The following FOXN3 variants were observed in gnomAD, a reference collection of about 807,000 sequenced individuals.
FOXN3 encodes the protein forkhead box protein N3.
A neutral mutation model predicts 38.4 loss-of-function variants in FOXN3; 7 were observed. The ratio of observed to expected loss-of-function variants is 0.18; its 90% CI spans 0.10 to 0.34. The LOEUF (loss-of-function observed/expected upper bound fraction) is 0.34, where lower values mean the gene tolerates loss of function less well. Among genes scored for constraint, FOXN3 ranks in the 10% least tolerant of loss-of-function variants. FOXN3 has a pLI of 1.00. For synonymous variants in FOXN3, 230 were observed against 242.2 expected (o/e 0.95, Z 0.47); for missense variants, 456 against 613.4 (o/e 0.74, Z 2.71).
chr14:89,382,543 C>T (rs770478061), intron 2 of FOXN3, among the ~76,000 whole-genome samples: 6 of 152,228 alleles, frequency 3.9e-5, no homozygotes, highest in Non-Finnish European at 8.8e-5. Flanking sequence ...TGCATTGGCT[C>T]AAGCCACTGT....
intron 1 of FOXN3, among the ~76,000 whole-genome samples, chr14:89,431,642 T>C (rs1378043222): frequency 6.6e-6 from 1 of 152,216 alleles, no homozygotes; most frequent in Non-Finnish European, 1.5e-5. Flanking sequence ...TTAGAGCAGT[T>C]TAAGGTTCAC....
intron 1 of FOXN3, among the ~76,000 whole-genome samples, chr14:89,436,419 A>ACGGAAC (rs2140117581): frequency 6.6e-6 from 1 of 152,234 alleles, no homozygotes; most frequent in Non-Finnish European, 1.5e-5. Context: ...AAACAAAGTG[A>ACGGAAC]CGTAGGGTCA....
intron 1 of FOXN3, among the ~76,000 whole-genome samples, chr14:89,579,786 C>A (rs896742120): frequency 3.3e-5 from 5 of 152,162 alleles, no homozygotes; most frequent in Non-Finnish European, 5.9e-5. Context: ...TTTTACCCTG[C>A]ATGATTATCT....
chr14:89,607,389 T>A (rs140878882), intron 1 of FOXN3, among the ~76,000 whole-genome samples: 1 of 152,000 alleles, frequency 6.6e-6, no homozygotes, highest in Non-Finnish European at 1.5e-5. Context: ...TGAAACCCTG[T>A]CTCTACTAAA....
chr14:89,242,522 T>A (rs1469257689), intron 4 of FOXN3, among the ~76,000 whole-genome samples: 2 of 152,176 alleles, frequency 1.3e-5, no homozygotes, highest in Non-Finnish European at 2.9e-5. Context: ...ATTGCATTAC[T>A]CAAACAGAAA....
upstream of FOXN3, chr14:89,419,015 C>T (rs143863059): frequency 4.7e-5 from 18 of 382,630 alleles, no homozygotes; most frequent in Non-Finnish European, 9.0e-5. Flanking sequence ...TTATTTTCAC[C>T]GGCCCCAGTC....
chr14:89,315,237 TG>T (rs1204325354), intron 3 of FOXN3, among the ~76,000 whole-genome samples: 1 of 152,148 alleles, frequency 6.6e-6, no homozygotes. Flanking sequence ...AACACCTTTC[TG>T]ATCTTAAAAT....
At chr14:89,269,161 C>G (rs1886070742) in intron 4 of FOXN3, among the ~76,000 whole-genome samples, 1 of 152,196 alleles carries the variant, frequency 6.6e-6, no homozygotes, top group Non-Finnish European at 1.5e-5. Context: ...GGTTCTAACT[C>G]CAAACTGCAA....
At chr14:89,480,541 T>C (rs1382703903) in intron 1 of FOXN3, among the ~76,000 whole-genome samples, 1 of 152,082 alleles carries the variant, frequency 6.6e-6, no homozygotes, top group East Asian at 1.9e-4. Context: ...ATTTCTTTTT[T>C]CCTTTCCGGA....
chr14:89,498,102 T>C (rs1376066790), intron 1 of FOXN3, among the ~76,000 whole-genome samples: 1 of 151,912 alleles, frequency 6.6e-6, no homozygotes, highest in Non-Finnish European at 1.5e-5. Flanking sequence ...TTGAGTTAGG[T>C]TGTTCTTTTA....
intron 4 of FOXN3, among the ~76,000 whole-genome samples, chr14:89,219,696 C>T (rs888389920): frequency 6.6e-6 from 1 of 152,202 alleles, no homozygotes; most frequent in African/African-American, 2.4e-5. Context: ...GTGATAATAG[C>T]ACCCCCTTCC....
At chr14:89,176,780 C>T (rs1199623435) in intron 5 of FOXN3, among the ~76,000 whole-genome samples, 3 of 152,188 alleles carry the variant, frequency 2.0e-5, no homozygotes, top group African/African-American at 4.8e-5. Context: ...GCCTCCATAG[C>T]TATGTTTGTG....
At chr14:89,236,758 T>G (rs886119856) in intron 4 of FOXN3, among the ~76,000 whole-genome samples, 1 of 152,238 alleles carries the variant, frequency 6.6e-6, no homozygotes, top group Non-Finnish European at 1.5e-5. Context: ...GTGGGGACAC[T>G]TAAAGCCTCT....
At chr14:89,514,235 C>G (rs1894157930) in intron 1 of FOXN3, among the ~76,000 whole-genome samples, 1 of 152,188 alleles carries the variant, frequency 6.6e-6, no homozygotes, top group Admixed American at 6.5e-5. Flanking sequence ...TCCTGCTGCA[C>G]AGGGCCAGAA....
At chr14:89,241,748 C>T (rs1257078581) in intron 4 of FOXN3, among the ~76,000 whole-genome samples, 6 of 152,160 alleles carry the variant, frequency 3.9e-5, no homozygotes, top group Non-Finnish European at 4.4e-5. Context: ...GGATACAGCA[C>T]GTGGAACCCT....
chr14:89,366,310 T>G (rs1008459331), intron 2 of FOXN3, among the ~76,000 whole-genome samples: 2 of 152,146 alleles, frequency 1.3e-5, no homozygotes, highest in Admixed American at 1.3e-4. Context: ...TTTGAAAAGT[T>G]TTGTCTCCTG....
rs1298680548 is a variant in FOXN3, at chr14:89,158,489, A to G, written c.*3925T>C. 6.6e-6 allele frequency: 1 copy of G among 152,634 alleles called. No individual in the cohort carries two copies. The highest frequency in any genetic ancestry group is 1.5e-5 in the Non-Finnish European group (1 of 68,044). The allele number at this position is 152,634 out of a possible 1,614,324, so 9.5% of individuals were successfully genotyped here. ...GAGACCTGCCACAATCGTTTTGGCC[A>G]TGGTTTTCTCCAACCACCAGTGAAA... On this transcript the variant is annotated 3_prime_UTR_variant, in exon 6 of 6. Transcript: ENST00000557258.
chr14:89,393,992 C>CATCT (rs1891031787), intron 2 of FOXN3, among the ~76,000 whole-genome samples: 2 of 152,048 alleles, frequency 1.3e-5, no homozygotes, highest in Admixed American at 1.3e-4. Flanking sequence ...GAAGGGTTGG[C>CATCT]ATCTGGTGAG....
chr14:89,417,944 G>A (rs1891799233), upstream of FOXN3: 1 of 338,112 alleles, frequency 3.0e-6, no homozygotes, highest in South Asian at 2.2e-5. Flanking sequence ...GGCCTAGAGA[G>A]AAAACAGGTC....
Sources: gnomAD v4.1 joint callset for allele counts (sites outside exome capture counted in the v4.1 genomes callset) on GRCh38, gnomAD v4.1.1 for gene constraint, MANE v1.5 for transcripts, NCBI Gene and HGNC (gene_info 2026-07-23, HGNC 2026-07-21) for gene names.